GRID1: variants seen among roughly 807,000 people sequenced by gnomAD.
The protein encoded by GRID1 is glutamate receptor ionotropic, delta-1.
In GRID1, 28 loss-of-function variants were observed where a neutral mutation model predicts 98.0. That is an observed-to-expected ratio of 0.29 (90% confidence interval 0.21 to 0.39). The LOEUF is 0.39. Ranked by LOEUF, GRID1 falls within the 10% of genes least tolerant of loss-of-function variation. GRID1 has a pLI of 1.00. For missense variants in GRID1, 1,111 were observed against 1,340.5 expected (o/e 0.83, Z 2.67); for synonymous variants, 553 against 538.5 (o/e 1.03, Z -0.37).
At chr10:85,658,584 C>T (rs953824567) in intron 12 of GRID1, among the ~76,000 whole-genome samples, 8 of 152,110 alleles carry the variant, frequency 5.3e-5, no homozygotes, top group Admixed American at 3.3e-4. Context: ...GTGAGGAGGG[C>T]GAACAGGCAC....
intron 3 of GRID1, among the ~76,000 whole-genome samples, chr10:86,180,604 CA>C (rs887964344): frequency 2.6e-4 from 40 of 152,258 alleles, no homozygotes; most frequent in African/African-American, 9.4e-4. Flanking sequence ...CTTTAAAGAA[CA>C]AAACCCAAGT....
At chr10:85,787,882 C>T (rs1413337693) in intron 8 of GRID1, among the ~76,000 whole-genome samples, 2 of 152,084 alleles carry the variant, frequency 1.3e-5, no homozygotes, top group African/African-American at 2.4e-5. Flanking sequence ...TGCTTCTGCT[C>T]CTGGGACTGA....
intron 12 of GRID1, among the ~76,000 whole-genome samples, chr10:85,682,658 C>T (rs573949187): frequency 6.6e-6 from 1 of 152,344 alleles, no homozygotes; most frequent in East Asian, 1.9e-4. Flanking sequence ...AATAAGCTAA[C>T]AGCTGTAATT....
At chr10:85,612,403 A>G (rs549708288) in intron 15 of GRID1, among the ~76,000 whole-genome samples, 86 of 152,194 alleles carry the variant, frequency 5.7e-4, no homozygotes, top group Non-Finnish European at 1.1e-3. Context: ...CTCTGAAACC[A>G]TTTAATGAAC....
intron 8 of GRID1, among the ~76,000 whole-genome samples, chr10:85,742,564 T>C (rs1841954823): frequency 6.6e-6 from 1 of 152,224 alleles, no homozygotes; most frequent in Admixed American, 6.5e-5. Flanking sequence ...GGAAACCCCA[T>C]TTTATCTCTC....
chr10:86,078,188 T>C (rs1157836231), intron 4 of GRID1, among the ~76,000 whole-genome samples: 1 of 152,232 alleles, frequency 6.6e-6, no homozygotes, highest in African/African-American at 2.4e-5. Context: ...AAGAGGGCTG[T>C]GATCATACAG....
In GRID1 at chr10:86,049,408, A is replaced by T. The variant is rs578200269; in HGVS notation, c.726+89411T>A. Among the ~76,000 whole-genome samples the T allele has an allele frequency of 7.9e-5, 12 of 152,336 alleles. No individual in the cohort carries two copies. The East Asian group carries it at 2.1e-3, about 27-fold the overall frequency. ...TTTGACCCATAAAATTTCCTCTTAAAGATATTATTTCCTGAATAAGAATAA... is the reference window on the plus strand; with the variant it reads ...TTTGACCCATAAAATTTCCTCTTAATGATATTATTTCCTGAATAAGAATAA... On this transcript the variant is annotated intron_variant, in intron 4 of 15. Transcript: ENST00000327946.
intron 3 of GRID1, among the ~76,000 whole-genome samples, chr10:86,190,365 A>T (rs1171355312): frequency 6.6e-6 from 1 of 152,184 alleles, no homozygotes; most frequent in East Asian, 1.9e-4. Flanking sequence ...CACAGGCTCC[A>T]GTGCACCCCA....
At chr10:85,906,920 T>G (rs1841469268) in intron 5 of GRID1, among the ~76,000 whole-genome samples, 2 of 151,038 alleles carry the variant, frequency 1.3e-5, no homozygotes, top group African/African-American at 4.9e-5. Context: ...ATAGAGAAAA[T>G]CAATGAAATT....
At chr10:85,818,740 CAG>C (rs1842737052) in intron 8 of GRID1, among the ~76,000 whole-genome samples, 1 of 149,204 alleles carries the variant, frequency 6.7e-6, no homozygotes, top group African/African-American at 2.5e-5. Flanking sequence ...TTTTTTTTGA[CAG>C]AGTCTCATTT....
At chr10:85,826,892 C>T (rs183456188) in intron 8 of GRID1, among the ~76,000 whole-genome samples, 5 of 152,198 alleles carry the variant, frequency 3.3e-5, no homozygotes, top group East Asian at 3.9e-4. Flanking sequence ...AAAATCTTCC[C>T]GAAATAAAGC....
chr10:86,364,031 T>G lies in GRID1; in HGVS notation c.145A>C (p.Ser49Arg). The change falls in exon 2 of 16, where the codon AGC becomes CGC. Residue 49 changes from serine to arginine, a missense_variant. Around this residue, in one of 3 missense-constraint regions of GRID1, gnomAD observed 346 missense variants for 452.3 expected, o/e 0.76. Coordinates refer to ENST00000327946, the MANE Select transcript of GRID1 (RefSeq NM_017551.3). Reference protein sequence around the residue: ...RVFQLAVSDLSLNDDILQSEK... With the variant: ...RVFQLAVSDLRLNDDILQSEK... Reference sequence around the variant, plus strand: ...CTCTGCAGGATGTCATCGTTGAGGCTCAGGTCGGATACCGCCAACTGGAAC... The same window carrying G: ...CTCTGCAGGATGTCATCGTTGAGGCGCAGGTCGGATACCGCCAACTGGAAC... The G allele has an allele frequency of 6.2e-7, 1 of 1,613,848 alleles. No homozygotes were observed. The highest frequency in any genetic ancestry group is 8.5e-7 in the Non-Finnish European group (1 of 1,179,708).
rs547272901 is a variant in GRID1, at chr10:85,692,210, C to T, written c.1997+30793G>A. Among the ~76,000 whole-genome samples, 10 of 152,272 alleles carry T rather than the reference C, an allele frequency of 6.6e-5. No homozygotes were observed. The East Asian group carries it at 1.9e-3, about 29-fold the overall frequency. ...CGTTCATTTATGAATTTACCCAACC[C>T]TACTATGTGCTAAGCTGAGTGCCAA... is the stretch of plus-strand genomic sequence containing the variant. On this transcript the variant is annotated intron_variant, in intron 12 of 15. Coordinates refer to ENST00000327946, the MANE Select transcript of GRID1 (RefSeq NM_017551.3).
Position 86,280,101 on chromosome 10 carries a change from G to A in GRID1, c.236-73453C>T, listed in dbSNP as rs1902685. On this transcript the variant is annotated intron_variant, in intron 2 of 15. Coordinates refer to ENST00000327946, the MANE Select transcript of GRID1 (RefSeq NM_017551.3). Reference sequence around the variant, plus strand: ...ATCTTTACTCGCAGCTACCCAGGAGGCTGAGATGGGAAGATTGCTTGAGCC... The same window carrying A: ...ATCTTTACTCGCAGCTACCCAGGAGACTGAGATGGGAAGATTGCTTGAGCC... 6.6e-4 allele frequency among the ~76,000 whole-genome samples: 100 copies of A among 152,206 alleles called. 2 individuals are homozygous for A. In the South Asian group the frequency reaches 0.021, roughly 32 times the overall value.
intron 5 of GRID1, among the ~76,000 whole-genome samples, chr10:85,896,058 C>G (rs1421856227): frequency 6.6e-6 from 1 of 152,130 alleles, no homozygotes; most frequent in Non-Finnish European, 1.5e-5. Context: ...TTTAAACAAG[C>G]AGGATTCTTT....
intron 8 of GRID1, among the ~76,000 whole-genome samples, chr10:85,813,613 CTTTAAAACATTT>C (rs1842692160): frequency 6.6e-6 from 1 of 151,742 alleles, no homozygotes; most frequent in African/African-American, 2.4e-5. Flanking sequence ...TTAAAATTTG[CTTTAAAACATTT>C]TTTAAAAACT....
In GRID1 at chr10:86,227,049, G is replaced by A. The variant is rs929564684; in HGVS notation, c.236-20401C>T. Among the ~76,000 whole-genome samples the A allele has an allele frequency of 3.9e-5, 6 of 152,170 alleles. No homozygotes were observed. In the East Asian group the frequency reaches 1.2e-3, roughly 29 times the overall value. ...CCTGAGCTGTGCGCCTGCAGCTGGTGGAAAGGGGAAGCCTCCAAAGCCACA... is the reference window on the plus strand; with the variant it reads ...CCTGAGCTGTGCGCCTGCAGCTGGTAGAAAGGGGAAGCCTCCAAAGCCACA... On this transcript the variant is annotated intron_variant, in intron 2 of 15. Transcript: ENST00000327946.
intron 2 of GRID1, among the ~76,000 whole-genome samples, chr10:86,231,503 G>A (rs1475304861): frequency 6.6e-6 from 1 of 152,142 alleles, no homozygotes; most frequent in African/African-American, 2.4e-5. Flanking sequence ...GCTGAACCAG[G>A]CAGGCCCATG....
Position 85,982,176 on chromosome 10 carries a change from G to A in GRID1, c.727-65937C>T, listed in dbSNP as rs2089641231. On this transcript the variant is annotated intron_variant, in intron 4 of 15. Coordinates refer to ENST00000327946, the MANE Select transcript of GRID1 (RefSeq NM_017551.3). ...ATTTAGTGAGGGCCTTGAAAGTGAT[G>A]AAAAGGGCTCTTGCCACAAAAAAAA... 3.6e-5 allele frequency among the ~76,000 whole-genome samples: 5 copies of A among 138,684 alleles called. No individual in the cohort carries two copies. In the South Asian group the frequency reaches 1.2e-3, roughly 34 times the overall value. The allele number at this position is 138,684 out of a possible 152,430, so 91.0% of individuals were successfully genotyped here.
Sources: gnomAD v4.1 joint callset for allele counts (sites outside exome capture counted in the v4.1 genomes callset) on GRCh38, gnomAD v4.1.1 for gene constraint, gnomAD v4.1.1 regional missense constraint, MANE v1.5 for transcripts, NCBI Gene and HGNC (gene_info 2026-07-23, HGNC 2026-07-21) for gene names.